SGIP1: variants seen among roughly 807,000 people sequenced by gnomAD.
The protein encoded by SGIP1 is SH3GL interacting endocytic adaptor 1.
A neutral mutation model predicts 107.5 loss-of-function variants in SGIP1; 38 were observed. The ratio of observed to expected loss-of-function variants is 0.35; its 90% CI spans 0.27 to 0.46. The LOEUF (loss-of-function observed/expected upper bound fraction) is 0.46. Ranked by LOEUF, SGIP1 falls within the 20% of genes least tolerant of loss-of-function variation. The pLI is 1.00. For synonymous variants in SGIP1, 365 were observed against 366.1 expected (o/e 1.00, Z 0.03); for missense variants, 929 against 1,019.5 (o/e 0.91, Z 1.21).
At chr1:66,566,187 A>G (rs1013898372) in intron 1 of SGIP1, among the ~76,000 whole-genome samples, 1 of 151,952 alleles carries the variant, frequency 6.6e-6, no homozygotes, top group African/African-American at 2.4e-5. Flanking sequence ...TGGTTTCCCT[A>G]GCGGTAAACA....
intron 1 of SGIP1, among the ~76,000 whole-genome samples, chr1:66,557,009 G>T (rs2058279633): frequency 6.6e-6 from 1 of 151,990 alleles, no homozygotes; most frequent in Non-Finnish European, 1.5e-5. Flanking sequence ...TTTTGTATTT[G>T]TACAATGCGC....
At chr1:66,571,353 G>A (rs17129124) in intron 1 of SGIP1, among the ~76,000 whole-genome samples, 8,213 of 151,858 alleles carry the variant, frequency 0.054, 768 homozygotes, top group African/African-American at 0.19. Flanking sequence ...ACAGTGATTG[G>A]GGTCCCAATT....
chr1:66,743,979 A>G lies in SGIP1; in HGVS notation c.*884A>G, dbSNP rs1332285228. The G allele has an allele frequency of 6.6e-6, 1 of 152,242 alleles. No homozygotes were observed. Among genetic ancestry groups the G allele is most frequent in the Non-Finnish European group, 1.5e-5 (1 of 67,998 alleles). 9.4% of individuals were successfully genotyped at this position (152,242 alleles called of 1,614,324 possible). A position where few individuals can be genotyped will look rare whatever the true frequency, so the allele number is the denominator to read the frequency against. On this transcript the variant is annotated 3_prime_UTR_variant, in exon 25 of 25. Transcript: ENST00000371037. Reference sequence around the variant, plus strand: ...CCAAAATTGTGATTTTAAGATTTCAAGACTTTCCGTAGTTGAACTGGTTAA... The same window carrying G: ...CCAAAATTGTGATTTTAAGATTTCAGGACTTTCCGTAGTTGAACTGGTTAA...
At position 66,640,081 on chromosome 1, in the gene SGIP1, G is replaced by A. The variant is rs187909710; in HGVS notation, c.228+248G>A. Among the ~76,000 whole-genome samples, 30 of 152,202 alleles carry A rather than the reference G, an allele frequency of 2.0e-4. No homozygotes were observed. The East Asian group carries it at 4.6e-3, about 24-fold the overall frequency. On this transcript the variant is annotated intron_variant, in intron 5 of 24. Coordinates refer to ENST00000371037, the MANE Select transcript of SGIP1 (RefSeq NM_032291.4). ...TATTTATTTTAGCTGATCAGCTATT[G>A]TTAATGTTAATGTATTTTATGTGTG...
chr1:66,677,296 T>G (rs1009751194), intron 13 of SGIP1, among the ~76,000 whole-genome samples, 200 bp downstream of exon 13: 1 of 152,218 alleles, frequency 6.6e-6, no homozygotes, highest in African/African-American at 2.4e-5. Context: ...AATAACATAA[T>G]AAAGCAAATT....
intron 1 of SGIP1, among the ~76,000 whole-genome samples, chr1:66,615,262 G>A (rs923190945): frequency 3.3e-5 from 5 of 152,110 alleles, no homozygotes; most frequent in Admixed American, 6.5e-5. Flanking sequence ...AGCATCCTGA[G>A]TAGCTGGGAT....
At chr1:66,728,184 AT>A (rs1298532603) in intron 19 of SGIP1, among the ~76,000 whole-genome samples, 1 of 152,226 alleles carries the variant, frequency 6.6e-6, no homozygotes, top group Non-Finnish European at 1.5e-5. Context: ...ACTTTACCTC[AT>A]GAGTACATAA....
intron 1 of SGIP1, among the ~76,000 whole-genome samples, chr1:66,558,429 A>C (rs1337286817): frequency 6.6e-6 from 1 of 151,956 alleles, no homozygotes; most frequent in African/African-American, 2.4e-5. Flanking sequence ...AAGCTAACCC[A>C]CAACGGCCCA....
At chr1:66,645,581 T>G (rs186729957) in intron 7 of SGIP1, among the ~76,000 whole-genome samples, 15 of 152,276 alleles carry the variant, frequency 9.9e-5, no homozygotes, top group Non-Finnish European at 2.9e-5. Flanking sequence ...CAGCTCCCAT[T>G]CCTGCACCCA....
intron 19 of SGIP1, among the ~76,000 whole-genome samples, chr1:66,727,690 C>A (rs2093819763): frequency 6.6e-6 from 1 of 152,238 alleles, no homozygotes; most frequent in African/African-American, 2.4e-5. Flanking sequence ...CACTACACAG[C>A]CACAAAAAGA....
chr1:66,617,027 A>G (rs1263611665), intron 1 of SGIP1, among the ~76,000 whole-genome samples: 1 of 152,198 alleles, frequency 6.6e-6, no homozygotes, highest in African/African-American at 2.4e-5. Flanking sequence ...TTATCTTGTA[A>G]AGAGGTTTTG....
chr1:66,704,953 G>A (rs1472912749), intron 18 of SGIP1, among the ~76,000 whole-genome samples: 1 of 152,146 alleles, frequency 6.6e-6, no homozygotes, highest in African/African-American at 2.4e-5. Flanking sequence ...ATAATAGTTA[G>A]TATTAATGAA....
intron 8 of SGIP1, among the ~76,000 whole-genome samples, chr1:66,663,523 A>T (rs1373639592): frequency 6.6e-6 from 1 of 152,252 alleles, no homozygotes; most frequent in East Asian, 1.9e-4. Flanking sequence ...CGGTGGTGGT[A>T]ACTGACATAT....
chr1:66,718,438 A>G (rs540493196), intron 18 of SGIP1, among the ~76,000 whole-genome samples: 1 of 152,272 alleles, frequency 6.6e-6, no homozygotes, highest in African/African-American at 2.4e-5. Flanking sequence ...CATGAGTTTT[A>G]TAGGGAGATA....
rs570067011 is a variant in SGIP1, at chr1:66,695,255, T to TAAAAAAAAAAAAA, written c.1571-175_1571-163dup. 4,039 of 947,098 alleles carry TAAAAAAAAAAAAA rather than the reference T, an allele frequency of 4.3e-3. 71 individuals are homozygous for TAAAAAAAAAAAAA. The highest frequency in any genetic ancestry group is 0.021 in the East Asian group (520 of 25,120). 58.7% of individuals were successfully genotyped at this position (947,098 alleles called of 1,614,324 possible). A position where few individuals can be genotyped will look rare whatever the true frequency, so the allele number is the denominator to read the frequency against. ...TGCTTTTGCTTTCTGTTTCCTGAAC[T>TAAAAAAAAAAAAA]AAAAAAAAAAAAAAAAGTGTAGATT... is the stretch of plus-strand genomic sequence containing the variant. On this transcript the variant is annotated intron_variant, in intron 17 of 24. Coordinates refer to ENST00000371037, the MANE Select transcript of SGIP1 (RefSeq NM_032291.4).
chr1:66,697,440 C>G (rs144067601), intron 18 of SGIP1, among the ~76,000 whole-genome samples: 1 of 152,198 alleles, frequency 6.6e-6, no homozygotes, highest in Non-Finnish European at 1.5e-5. Context: ...ATTGGAATCT[C>G]TAGTACTGTA....
intron 18 of SGIP1, among the ~76,000 whole-genome samples, chr1:66,711,913 T>C (rs1032322777): frequency 6.6e-6 from 1 of 152,164 alleles, no homozygotes; most frequent in South Asian, 2.1e-4. Context: ...AGAGCACTGG[T>C]ATTATTGTCC....
chr1:66,626,779 G>C lies in SGIP1; in HGVS notation c.74+869G>C, dbSNP rs115880860. On this transcript the variant is annotated intron_variant, in intron 2 of 24. Coordinates refer to ENST00000371037, the MANE Select transcript of SGIP1 (RefSeq NM_032291.4). ...GACCAGGTAGAAATGCAGAACTGAT[G>C]TAGTTTGCTGTACGTCAGAATCAAG... 5.8e-3 allele frequency among the ~76,000 whole-genome samples: 889 copies of C among 152,268 alleles called. 7 individuals are homozygous for C. The highest frequency in any genetic ancestry group is 0.018 in the African/African-American group (755 of 41,556).
In SGIP1 at chr1:66,598,282, C is replaced by T. The variant is rs530825744; in HGVS notation, c.11-27565C>T. 3.3e-5 allele frequency among the ~76,000 whole-genome samples: 5 copies of T among 152,196 alleles called. No homozygotes were observed. The South Asian group carries it at 1.0e-3, about 32-fold the overall frequency. ...ACTAACACATCATAGAATGGTTTAC[C>T]TGAAAGAGATAATTCATCTACTTCA... On this transcript the variant is annotated intron_variant, in intron 1 of 24. Coordinates refer to ENST00000371037, the MANE Select transcript of SGIP1 (RefSeq NM_032291.4).
Sources: allele counts gnomAD v4.1 joint callset (sites outside exome capture counted in the v4.1 genomes callset), GRCh38; gene constraint gnomAD v4.1.1; transcripts MANE v1.5; gene names NCBI Gene and HGNC (gene_info 2026-07-23, HGNC 2026-07-21).